The following GLUL variants were observed in gnomAD, a reference collection of about 807,000 sequenced individuals.
GLUL encodes glutamate-ammonia ligase.
In GLUL, 8 loss-of-function variants were observed where a neutral mutation model predicts 36.9. That is an observed-to-expected ratio of 0.22 (90% confidence interval 0.13 to 0.39). The LOEUF (loss-of-function observed/expected upper bound fraction) is 0.39, where lower values mean the gene tolerates loss of function less well. GLUL is among the 10% of genes least tolerant of loss of function. The probability of loss-of-function intolerance (pLI) is 1.00; values close to 1 mark genes in which losing one functional copy is unlikely to be tolerated. For synonymous variants in GLUL, 182 were observed against 172.8 expected (o/e 1.05, Z -0.42); for missense variants, 315 against 501.8 (o/e 0.63, Z 3.56).
chr1:182,386,559 A>G (rs572357998), intron 3 of GLUL, 157 bp from the exon 4 acceptor site: 3 of 718,410 alleles, frequency 4.2e-6, no homozygotes, highest in East Asian at 2.5e-5. Context: ...TCACCGAGTC[A>G]GAAAAATGAG....
chr1:182,391,527 T>C (rs1558168073), intron 1 of GLUL, 152 bp downstream of exon 1: 2 of 290,674 alleles, frequency 6.9e-6, no homozygotes, highest in Non-Finnish European at 1.3e-5. Context: ...GGAGCACTCA[T>C]GCCGGATCTC....
At chr1:182,391,479 C>A in intron 1 of GLUL, 200 bp downstream of exon 1, 2 of 367,932 alleles carry the variant, frequency 5.4e-6, no homozygotes, top group Non-Finnish European at 9.7e-6. Flanking sequence ...GCGCCAGCCC[C>A]GACGGGTCCA....
Position 182,386,014 on chromosome 1 carries a change from G to A in GLUL, c.476-127C>T, listed in dbSNP as rs1348362633. The A allele has an allele frequency of 9.7e-6, 10 of 1,033,174 alleles. No individual in the cohort carries two copies. The East Asian group carries it at 1.4e-4, about 15-fold the overall frequency. 64.0% of individuals were successfully genotyped at this position (1,033,174 alleles called of 1,614,324 possible). ...CCTTGCCTTCATCTGCAGGTGCGGG[G>A]CAGGGGAGGGGCAATAGGGGAGTTC... On this transcript the variant is annotated intron_variant, in intron 4 of 6. Transcript: ENST00000331872.
At chr1:182,391,564 T>C (rs1034707256) in intron 1 of GLUL, 115 bp downstream of exon 1, 4 of 230,130 alleles carry the variant, frequency 1.7e-5, no homozygotes, top group Non-Finnish European at 3.3e-5. Context: ...GGCCGCAGCG[T>C]AGGGCTGGGA....
chr1:182,388,537 C>T (rs773459021), intron 2 of GLUL, 35 bp downstream of exon 2: 3 of 1,595,494 alleles, frequency 1.9e-6, no homozygotes, highest in Admixed American at 1.7e-5. Context: ...GCAGATCCCA[C>T]CCAGCATGTG....
At chr1:182,388,484 G>A (rs1650271080) in intron 2 of GLUL, 88 bp downstream of exon 2, 1 of 1,134,114 alleles carries the variant, frequency 8.8e-7, no homozygotes, top group East Asian at 2.3e-5. Flanking sequence ...GAAGAAAGAG[G>A]CCTAATCCAG....
chr1:182,387,859 T>C (rs1388851304), intron 2 of GLUL, among the ~76,000 whole-genome samples: 2 of 152,208 alleles, frequency 1.3e-5, no homozygotes, highest in African/African-American at 4.8e-5. Flanking sequence ...GTATCTTCAG[T>C]GTCTGTGCAC....
Position 182,385,561 on chromosome 1 carries a change from A to G in GLUL, c.604-5T>C, listed in dbSNP as rs759738919. ...AGGTCCAATCTGAAATTCCCACTAG[A>G]AACGAGAAGCTTGGCCATTAAAACA... On this transcript the variant is annotated splice_polypyrimidine_tract_variant and splice_region_variant and intron_variant, in intron 5 of 6. Coordinates refer to ENST00000331872, the MANE Select transcript of GLUL (RefSeq NM_001033044.4). 4.5e-5 allele frequency: 73 copies of G among 1,613,486 alleles called. 2 individuals are homozygous for G. The Admixed American group carries it at 9.2e-4, about 20-fold the overall frequency.
intron 6 of GLUL, 138 bp downstream of exon 6, chr1:182,385,219 T>A (rs552426803): frequency 1.4e-6 from 1 of 719,352 alleles, no homozygotes; most frequent in Non-Finnish European, 2.5e-6. Context: ...ACGTCCAGAC[T>A]GAGAAGTCAA....
At position 182,382,688 on chromosome 1, in the gene GLUL, T is replaced by C. The variant is rs1314321964; in HGVS notation, c.*1717A>G. The C allele has an allele frequency of 6.6e-6, 1 of 152,164 alleles. No homozygotes were observed. Among genetic ancestry groups the C allele is most frequent in the Non-Finnish European group, 1.5e-5 (1 of 68,018 alleles). The allele number at this position is 152,164 out of a possible 1,614,324, so 9.4% of individuals were successfully genotyped here. A position where few individuals can be genotyped will look rare whatever the true frequency, so the allele number is the denominator to read the frequency against. Reference sequence around the variant, plus strand: ...TAGGCTAGGAAATGCCAAGATTGTGTGTAACTAAGTCTAGGTGAAAAACTT... The same window carrying C: ...TAGGCTAGGAAATGCCAAGATTGTGCGTAACTAAGTCTAGGTGAAAAACTT... On this transcript the variant is annotated 3_prime_UTR_variant, in exon 7 of 7. Coordinates refer to ENST00000331872, the MANE Select transcript of GLUL (RefSeq NM_001033044.4).
chr1:182,379,983 T>C lies in GLUL; in HGVS notation c.*4422A>G, dbSNP rs1302934094. ...TCTCAGTCTCCCAAGCAGCTGGGATTACAGGCATGTGCCACCACGCCCGGC... is the reference window on the plus strand; with the variant it reads ...TCTCAGTCTCCCAAGCAGCTGGGATCACAGGCATGTGCCACCACGCCCGGC... On this transcript the variant is annotated 3_prime_UTR_variant, in exon 7 of 7. Coordinates refer to ENST00000331872, the MANE Select transcript of GLUL (RefSeq NM_001033044.4). 6.6e-6 allele frequency among the ~76,000 whole-genome samples: 1 copy of C among 152,056 alleles called. No homozygotes were observed. Among genetic ancestry groups the C allele is most frequent in the African/African-American group, 2.4e-5 (1 of 41,392 alleles).
At chr1:182,391,257 C>T (rs1571413225) in intron 1 of GLUL, 1 of 398,894 alleles carries the variant, frequency 2.5e-6, no homozygotes, top group Non-Finnish European at 4.4e-6. Flanking sequence ...AGGAAGGCAG[C>T]CAGGCGCCCG....
At chr1:182,385,603 C>T (rs1650141469) in intron 5 of GLUL, 47 bp from the exon 6 acceptor site, 5 of 1,575,390 alleles carry the variant, frequency 3.2e-6, no homozygotes, top group Non-Finnish European at 4.4e-6. Context: ...ACTGCTCACT[C>T]CAACTCAGAA....
At chr1:182,385,681 G>GT (rs1650145093) in intron 5 of GLUL, 79 bp downstream of exon 5, 5 of 1,574,146 alleles carry the variant, frequency 3.2e-6, no homozygotes, top group Non-Finnish European at 3.5e-6. Flanking sequence ...AGTGAGTGGT[G>GT]TATCAGCAGC....
At chr1:182,385,992 T>TG in intron 4 of GLUL, 105 bp from the exon 5 acceptor site, 2 of 1,185,968 alleles carry the variant, frequency 1.7e-6, no homozygotes, top group Non-Finnish European at 2.5e-6. Flanking sequence ...TCACTATCCT[T>TG]GCCTTCATCT....
rs1369423684 is a variant in GLUL, at chr1:182,381,099, T to C, written c.*3306A>G. On this transcript the variant is annotated 3_prime_UTR_variant, in exon 7 of 7. Transcript: ENST00000331872. ...CTGGCCAACATGGTGAAACCCCATC[T>C]GTACTAAAAATACAAAAATTAGCTG... Among the ~76,000 whole-genome samples, 8 of 152,220 alleles carry C rather than the reference T, an allele frequency of 5.3e-5. No individual in the cohort carries two copies. The highest frequency in any genetic ancestry group is 1.5e-5 in the Non-Finnish European group (1 of 68,036).
chr1:182,386,432 A>T, intron 3 of GLUL, 30 bp from the exon 4 acceptor site: 1 of 1,525,846 alleles, frequency 6.6e-7, no homozygotes, highest in South Asian at 1.1e-5. Flanking sequence ...ATACGCCATC[A>T]GGGATCTAAA....
rs1314646858 is a variant in GLUL, at chr1:182,384,736, G to C, written c.804-13C>G. 1 of 1,607,228 alleles carries C rather than the reference G, an allele frequency of 6.2e-7. No homozygotes were observed. The highest frequency in any genetic ancestry group is 1.1e-5 in the South Asian group (1 of 90,944). On this transcript the variant is annotated splice_polypyrimidine_tract_variant and intron_variant, in intron 6 of 6. Coordinates refer to ENST00000331872, the MANE Select transcript of GLUL (RefSeq NM_001033044.4). ...CTCCTCGATGTACCTAGAGTAAACA[G>C]AAAAGATGGCAGTCCAACCTTGTCT...
rs1649988174 is a variant in GLUL, at chr1:182,382,687, G to A, written c.*1718C>T. 6.6e-6 allele frequency: 1 copy of A among 152,162 alleles called. No individual in the cohort carries two copies. The highest frequency in any genetic ancestry group is 2.1e-4 in the South Asian group (1 of 4,826). The allele number at this position is 152,162 out of a possible 1,614,324, so 9.4% of individuals were successfully genotyped here. A position where few individuals can be genotyped will look rare whatever the true frequency, so the allele number is the denominator to read the frequency against. On this transcript the variant is annotated 3_prime_UTR_variant, in exon 7 of 7. Transcript: ENST00000331872. The stretch of plus-strand genomic sequence containing the variant: ...CTAGGCTAGGAAATGCCAAGATTGT[G>A]TGTAACTAAGTCTAGGTGAAAAACT...
Sources: gnomAD v4.1 joint callset for allele counts (sites outside exome capture counted in the v4.1 genomes callset) on GRCh38, gnomAD v4.1.1 for gene constraint, MANE v1.5 for transcripts, NCBI Gene and HGNC (gene_info 2026-07-23, HGNC 2026-07-21) for gene names.